Variants in ACADL observed in about 807,000 individuals in gnomAD.
ACADL encodes acyl-CoA dehydrogenase long chain.
In ACADL, 60 loss-of-function variants were observed where a neutral mutation model predicts 56.9. That is an observed-to-expected ratio of 1.05 (90% CI 0.86 to 1.31). The LOEUF is 1.31. Among genes scored for constraint, ACADL ranks in the 50% most tolerant of loss-of-function variants. The pLI is 0.00. For synonymous variants in ACADL, 158 were observed against 179.7 expected (o/e 0.88, Z 0.97); for missense variants, 484 against 525.5 (o/e 0.92, Z 0.77).
chr2:210,189,691 CTT>C (rs1688601404), intron 10 of ACADL, among the ~76,000 whole-genome samples: 1 of 151,988 alleles, frequency 6.6e-6, no homozygotes, highest in Non-Finnish European at 1.5e-5. Context: ...CATAAGTTCA[CTT>C]TTGATAGTCA....
intron 4 of ACADL, among the ~76,000 whole-genome samples, chr2:210,212,330 A>G (rs1212319139): frequency 6.6e-6 from 1 of 152,148 alleles, no homozygotes; most frequent in African/African-American, 2.4e-5. Context: ...GAATGTCCTT[A>G]TAAAAGAGAG....
At chr2:210,216,210 A>G in intron 4 of ACADL, 137 bp downstream of exon 4, 1 of 902,776 alleles carries the variant, frequency 1.1e-6, no homozygotes, top group East Asian at 2.5e-5. Context: ...TTATTTTCCG[A>G]CTTGAGGTCA....
rs755888042 is a variant in ACADL at position 210,188,336 on chromosome 2, A to C, written c.*625T>G. 1 of 152,618 alleles carries C rather than the reference A, an allele frequency of 6.6e-6. No homozygotes were observed. Among genetic ancestry groups the C allele is most frequent in the Admixed American group, 6.5e-5 (1 of 15,308 alleles). 9.5% of individuals were successfully genotyped at this position (152,618 alleles called of 1,614,324 possible). A position where few individuals can be genotyped will look rare whatever the true frequency, so the allele number is the denominator to read the frequency against. ...GGCATTCCCTGGTCAGGGTTAGGCA[A>C]ATACTTAGCTGAGTCCTAGGGGTTT... On this transcript the variant is annotated 3_prime_UTR_variant, in exon 11 of 11. Transcript: ENST00000233710.
Position 210,189,024 on chromosome 2 carries a change from G to A in ACADL, c.1230C>T (p.Ile410=). ...TCATTATTTCATTTGTACCACCATA[G>A]ATTGGCTGAACTCTGGCATCCACAT... ...KAYVDARVQP[I]YGGTNEIMKE... is the part of the protein sequence containing the mutation. The change falls in exon 11 of 11, where the codon ATC becomes ATT. Residue 410 remains isoleucine (I), a synonymous_variant. Transcript: ENST00000233710. 6.2e-7 allele frequency: 1 copy of A among 1,613,308 alleles called. No individual in the cohort carries two copies. Among genetic ancestry groups the A allele is most frequent in the Non-Finnish European group, 8.5e-7 (1 of 1,179,422 alleles).
At chr2:210,211,765 T>C (rs1034928955) in intron 4 of ACADL, among the ~76,000 whole-genome samples, 1 of 152,162 alleles carries the variant, frequency 6.6e-6, no homozygotes, top group Non-Finnish European at 1.5e-5. Context: ...GTTTCAGGTA[T>C]TTTTTATAGC....
intron 4 of ACADL, among the ~76,000 whole-genome samples, chr2:210,211,200 T>C (rs902473395): frequency 6.6e-6 from 1 of 152,182 alleles, no homozygotes; most frequent in African/African-American, 2.4e-5. Flanking sequence ...ACTGGAACCA[T>C]ATAATATGAT....
chr2:210,221,009 C>T (rs1689168363), intron 1 of ACADL, among the ~76,000 whole-genome samples: 1 of 152,080 alleles, frequency 6.6e-6, no homozygotes, highest in African/African-American at 2.4e-5. Context: ...TAAGAAGTAC[C>T]TTATCATTAT....
At position 210,225,171 on chromosome 2, in the gene ACADL, C is replaced by A. The variant is rs557737101; in HGVS notation, c.77+16G>T. ...CCTCCCGGCCTGCAGCCGCGGAAGT[C>A]CCGGCTGGCACTCACCGCGCGGCGG... On this transcript the variant is annotated intron_variant, in intron 1 of 10. Transcript: ENST00000233710. 5 of 1,529,682 alleles carry A rather than the reference C, an allele frequency of 3.3e-6. No individual in the cohort carries two copies. In the South Asian group the frequency reaches 6.0e-5, roughly 18 times the overall value. The allele number at this position is 1,529,682 out of a possible 1,614,324, so 94.8% of individuals were successfully genotyped here.
chr2:210,209,493 T>C (rs1431108260), intron 5 of ACADL: 1 of 152,076 alleles, frequency 6.6e-6, no homozygotes, highest in Non-Finnish European at 1.5e-5. Context: ...CTCAAATGGC[T>C]CTCAAATTCT....
In ACADL at chr2:210,188,626, A is replaced by G. The variant is rs1688583428; in HGVS notation, c.*335T>C. ...ATTAATGTTTTTATACTATAGCGACATAAAATTATTTCTGCCTTGGTTTGA... is the reference window on the plus strand; with the variant it reads ...ATTAATGTTTTTATACTATAGCGACGTAAAATTATTTCTGCCTTGGTTTGA... On this transcript the variant is annotated 3_prime_UTR_variant, in exon 11 of 11. Coordinates refer to ENST00000233710, the MANE Select transcript of ACADL (RefSeq NM_001608.4). The G allele has an allele frequency of 1.2e-5, 3 of 244,020 alleles. No individual in the cohort carries two copies. The South Asian group carries it at 1.6e-4, about 13-fold the overall frequency. 15.1% of individuals were successfully genotyped at this position (244,020 alleles called of 1,614,324 possible). A position where few individuals can be genotyped will look rare whatever the true frequency, so the allele number is the denominator to read the frequency against.
intron 2 of ACADL, among the ~76,000 whole-genome samples, chr2:210,219,322 G>A (rs1466280603): frequency 1.3e-5 from 2 of 152,114 alleles, no homozygotes; most frequent in East Asian, 3.9e-4. Context: ...GTTGAAGCCC[G>A]ATGTGGTGGT....
chr2:210,216,423 T>C lies in ACADL; in HGVS notation c.460A>G (p.Ile154Val). 1 of 1,613,960 alleles carries C rather than the reference T, an allele frequency of 6.2e-7. No homozygotes were observed. The highest frequency in any genetic ancestry group is 8.5e-7 in the Non-Finnish European group (1 of 1,179,852). Residue 154 changes from isoleucine (I) to valine (V), a missense_variant, in exon 4 of 11, where the codon ATT becomes GTT. Physicochemically the swap from Ile to Val is conservative, Grantham distance 29. Coordinates refer to ENST00000233710, the MANE Select transcript of ACADL (RefSeq NM_001608.4). ...GTCATCTGGGGAATAAAGTGCTTAA[T>C]CTGTTCTTCTGAGCCATGGTTTGTA... ...YITNHGSEEQ[I>V]KHFIPQMTAG...
At position 210,216,311 on chromosome 2, in the gene ACADL, T is replaced by G. The variant is rs189433918; in HGVS notation, c.536+36A>C. On this transcript the variant is annotated intron_variant, in intron 4 of 10. Coordinates refer to ENST00000233710, the MANE Select transcript of ACADL (RefSeq NM_001608.4). ...TACTAAGAAAATGTTAAGGCACTGC[T>G]TCCAAGAATCCAAAGCCAACTAAAT... 6,849 of 1,610,998 alleles carry G rather than the reference T, an allele frequency of 4.3e-3. 30 individuals carry two copies. The highest frequency in any genetic ancestry group is 5.4e-3 in the Non-Finnish European group (6,404 of 1,178,674).
At chr2:210,218,665 T>C (rs1257325683) in intron 2 of ACADL, 2 of 154,684 alleles carry the variant, frequency 1.3e-5, no homozygotes, top group Non-Finnish European at 2.9e-5. Context: ...CCCACTGATA[T>C]TCATTGATGT....
rs1470811500 is a variant in ACADL, at chr2:210,189,001, A to G, written c.1253T>C (p.Met418Thr). 7 of 1,613,370 alleles carry G rather than the reference A, an allele frequency of 4.3e-6. No homozygotes were observed. The highest frequency in any genetic ancestry group is 2.2e-5 in the South Asian group (2 of 91,062). The change falls in exon 11 of 11, where the codon ATG becomes ACG. Residue 418 changes from methionine (M) to threonine (T), a missense_variant. Physicochemically the swap from Met to Thr is moderately conservative, Grantham distance 81 (BLOSUM62 -1). Coordinates refer to ENST00000233710, the MANE Select transcript of ACADL (RefSeq NM_001608.4). ...AATCTCTCTTGCAATCAGCTCCTTC[A>G]TTATTTCATTTGTACCACCATAGAT... ...QPIYGGTNEIMKELIAREIVF... is the reference protein window; with the variant it reads ...QPIYGGTNEITKELIAREIVF...
At chr2:210,213,050 T>C (rs544964223) in intron 4 of ACADL, among the ~76,000 whole-genome samples, 2 of 152,238 alleles carry the variant, frequency 1.3e-5, no homozygotes, top group African/African-American at 4.8e-5. Flanking sequence ...TCTGAACTTT[T>C]GGTACATGCC....
At chr2:210,189,458 G>C (rs1368432316) in intron 10 of ACADL, among the ~76,000 whole-genome samples, 1 of 151,780 alleles carries the variant, frequency 6.6e-6, no homozygotes, top group Non-Finnish European at 1.5e-5. Context: ...TGGTTTTATA[G>C]AAAACAAAAG....
Position 210,220,699 on chromosome 2 carries a change from G to A in ACADL, c.181C>T (p.Arg61Trp), listed in dbSNP as rs555835264. The A allele has an allele frequency of 1.6e-4, 263 of 1,613,310 alleles. 1 individual carries two copies. The highest frequency in any genetic ancestry group is 2.1e-4 in the Non-Finnish European group (245 of 1,179,734). The change falls in exon 2 of 11, where the codon CGG becomes TGG. Residue 61 changes from arginine to tryptophan, a missense_variant. By Grantham distance (101) the Arg-to-Trp change is moderately radical. Transcript: ENST00000233710. ...TGGAAAAACTTCCTTACACTTTTCC[G>A]GAAAATGTCATGCTCTGGAGAAAAG... ...RIFSPEHDIFRKSVRKFFQEE... is the reference protein window; with the variant it reads ...RIFSPEHDIFWKSVRKFFQEE...
intron 8 of ACADL, among the ~76,000 whole-genome samples, chr2:210,202,052 C>T (rs959001247): frequency 4.6e-5 from 7 of 152,098 alleles, no homozygotes; most frequent in African/African-American, 1.2e-4. Flanking sequence ...CCTTCACTCA[C>T]CTGTCTTTCA....
Sources: gnomAD v4.1 joint callset for allele counts (sites outside exome capture counted in the v4.1 genomes callset) on GRCh38, gnomAD v4.1.1 for gene constraint, MANE v1.5 for transcripts, NCBI Gene and HGNC (gene_info 2026-07-23, HGNC 2026-07-21) for gene names.